The following ZNF503 variants were observed in gnomAD, a reference collection of about 807,000 sequenced individuals.
ZNF503 encodes zinc finger protein 503, also known as NocA-like zinc finger 2.
A neutral mutation model predicts 34.4 loss-of-function variants in ZNF503; 15 were observed. That is an observed-to-expected ratio of 0.44 (90% CI 0.29 to 0.67). The LOEUF (loss-of-function observed/expected upper bound fraction) is 0.67. Ranked by LOEUF, ZNF503 falls within the 30% of genes least tolerant of loss-of-function variation. The pLI, the probability that ZNF503 is intolerant of heterozygous loss-of-function variation, is 0.13. For synonymous variants in ZNF503, 580 were observed against 456.8 expected, an observed-to-expected ratio of 1.27 and a Z score of -3.44; for missense variants, 1,007 against 926.8, an observed-to-expected ratio of 1.09 and a Z score of -1.12.
At chr10:75,293,264 G>C in the ZNF503 span, among the ~76,000 whole-genome samples, 3 of 152,284 alleles carry the variant, frequency 2.0e-5, no homozygotes, top group East Asian at 5.8e-4. Flanking sequence ...TTCAAGTCTA[G>C]CTGAGCAGGT....
chr10:75,300,016 A>G, the ZNF503 span, among the ~76,000 whole-genome samples: 1 of 152,324 alleles, frequency 6.6e-6, no homozygotes, highest in African/African-American at 2.4e-5. Flanking sequence ...AAAATTTATT[A>G]GGCAGGAATT....
the ZNF503 span, among the ~76,000 whole-genome samples, chr10:75,309,422 T>G: frequency 6.6e-6 from 1 of 152,146 alleles, no homozygotes; most frequent in Non-Finnish European, 1.5e-5. Flanking sequence ...TATCTTATTT[T>G]AAGAAATTGC....
At chr10:75,389,923 C>T in the ZNF503 span, among the ~76,000 whole-genome samples, 1 of 152,152 alleles carries the variant, frequency 6.6e-6, no homozygotes, top group Admixed American at 6.5e-5. Flanking sequence ...GATGGAGTCT[C>T]GCTCTGTTGC....
At chr10:75,357,548 T>A in the ZNF503 span, among the ~76,000 whole-genome samples, 4 of 152,086 alleles carry the variant, frequency 2.6e-5, no homozygotes, top group Non-Finnish European at 4.4e-5. Context: ...ATCACAATAA[T>A]AACCAATATA....
At chr10:75,332,014 A>G in the ZNF503 span, among the ~76,000 whole-genome samples, 1 of 151,744 alleles carries the variant, frequency 6.6e-6, no homozygotes, top group East Asian at 1.9e-4. Context: ...TTTTCTTGGA[A>G]TATCTTTTTC....
chr10:75,372,594 A>G, the ZNF503 span, among the ~76,000 whole-genome samples: 1 of 152,214 alleles, frequency 6.6e-6, no homozygotes, highest in Non-Finnish European at 1.5e-5. Flanking sequence ...CTACTCAACC[A>G]GGGACAGGAT....
chr10:75,351,987 A>G, the ZNF503 span, among the ~76,000 whole-genome samples: 1 of 152,212 alleles, frequency 6.6e-6, no homozygotes, highest in Non-Finnish European at 1.5e-5. Context: ...TGCCGCCACA[A>G]GGTGAGCACT....
the ZNF503 span, among the ~76,000 whole-genome samples, chr10:75,311,839 T>C: frequency 4.1e-4 from 62 of 151,860 alleles, no homozygotes; most frequent in Non-Finnish European, 4.7e-4. Flanking sequence ...TCAGAAACCA[T>C]AGAAGTAGAG....
chr10:75,368,934 A>G, the ZNF503 span, among the ~76,000 whole-genome samples: 1 of 152,248 alleles, frequency 6.6e-6, no homozygotes, highest in African/African-American at 2.4e-5. Context: ...TTATAGTTTC[A>G]GTCAAAGACT....
chr10:75,372,372 A>C, the ZNF503 span, among the ~76,000 whole-genome samples: 1 of 152,252 alleles, frequency 6.6e-6, no homozygotes, highest in Non-Finnish European at 1.5e-5. Flanking sequence ...AGGGAGGTGA[A>C]CAAGTAACTC....
In ZNF503 at chr10:75,398,205, A is replaced by G. The variant is rs545536040; in HGVS notation, c.*544T>C. On this transcript the variant is annotated 3_prime_UTR_variant, in exon 2 of 2. Coordinates refer to ENST00000372524, the MANE Select transcript of ZNF503 (RefSeq NM_032772.6). ...TTGTGTTTCAATCAGACATTAAATAACGTACAATACAATCATAGCAATTTT... is the reference window on the plus strand; with the variant it reads ...TTGTGTTTCAATCAGACATTAAATAGCGTACAATACAATCATAGCAATTTT... 1.3e-5 allele frequency: 2 copies of G among 152,852 alleles called. No homozygotes were observed. The highest frequency in any genetic ancestry group is 6.8e-3 in the Middle Eastern group (2 of 294). The allele number at this position is 152,852 out of a possible 1,614,324, so 9.5% of individuals were successfully genotyped here.
chr10:75,363,141 C>G, the ZNF503 span, among the ~76,000 whole-genome samples: 1 of 152,106 alleles, frequency 6.6e-6, no homozygotes, highest in Non-Finnish European at 1.5e-5. Flanking sequence ...CTTTGCCAGT[C>G]CTGCCAGCTA....
the ZNF503 span, among the ~76,000 whole-genome samples, chr10:75,281,410 C>T: frequency 2.0e-5 from 3 of 152,090 alleles, no homozygotes; most frequent in Non-Finnish European, 2.9e-5. Flanking sequence ...GTGATGAGCA[C>T]ATTACTGTCG....
chr10:75,337,181 G>C, the ZNF503 span, among the ~76,000 whole-genome samples: 1 of 151,770 alleles, frequency 6.6e-6, no homozygotes, highest in Non-Finnish European at 1.5e-5. Context: ...ACAATTAGTC[G>C]GGCGTGGTGG....
At chr10:75,330,610 C>T in the ZNF503 span, among the ~76,000 whole-genome samples, 1 of 152,134 alleles carries the variant, frequency 6.6e-6, no homozygotes, top group African/African-American at 2.4e-5. Context: ...TTATCTGCTT[C>T]CACTAAGTTT....
the ZNF503 span, among the ~76,000 whole-genome samples, chr10:75,374,239 T>C: frequency 6.6e-6 from 1 of 151,804 alleles, no homozygotes; most frequent in Admixed American, 6.6e-5. Context: ...GAGATGGAGG[T>C]TGCAGTGAGC....
chr10:75,362,092 T>C, the ZNF503 span, among the ~76,000 whole-genome samples: 24 of 152,272 alleles, frequency 1.6e-4, no homozygotes, highest in Admixed American at 1.4e-3. Flanking sequence ...AACTGAACAG[T>C]GTTGGCTTCT....
chr10:75,357,302 G>C, the ZNF503 span, among the ~76,000 whole-genome samples: 2 of 151,700 alleles, frequency 1.3e-5, no homozygotes, highest in Non-Finnish European at 2.9e-5. Context: ...AGGACTGCTT[G>C]AGCCTAGGAG....
At chr10:75,286,430 T>C in the ZNF503 span, among the ~76,000 whole-genome samples, 2 of 152,212 alleles carry the variant, frequency 1.3e-5, no homozygotes, top group African/African-American at 2.4e-5. Flanking sequence ...TGTTGCTCTA[T>C]GAGCCCCACT....
Sources: allele counts gnomAD v4.1 joint callset (sites outside exome capture counted in the v4.1 genomes callset), GRCh38; gene constraint gnomAD v4.1.1; transcripts MANE v1.5; gene names NCBI Gene and HGNC (gene_info 2026-07-23, HGNC 2026-07-21).